The following FNDC1 variants were observed in gnomAD, a reference collection of about 807,000 sequenced individuals.
FNDC1 encodes fibronectin type III domain containing 1.
FNDC1 carries 96 observed loss-of-function variants against 168.0 expected under a neutral mutation model. The observed-to-expected ratio is 0.57, with a 90% CI of 0.48 to 0.68. FNDC1 has a LOEUF of 0.68. FNDC1 is among the 30% of genes least tolerant of loss of function. The pLI is 0.00. For synonymous variants in FNDC1, 1,099 were observed against 1,025.9 expected, an observed-to-expected ratio of 1.07 and a Z score of -1.36; for missense variants, 2,587 against 2,482.1, an observed-to-expected ratio of 1.04 and a Z score of -0.90.
At position 159,233,976 on chromosome 6, in the gene FNDC1, C is replaced by A. The variant is rs758189465; in HGVS notation, c.3464C>A (p.Ala1155Glu). 8 of 1,595,052 alleles carry A rather than the reference C, an allele frequency of 5.0e-6. No homozygotes were observed. In the South Asian group the frequency reaches 5.7e-5, roughly 11 times the overall value. Residue 1155 changes from alanine to glutamate, a missense_variant, in exon 11 of 23, where the codon GCG (alanine) becomes GAG (glutamate). By Grantham distance (107) the Ala-to-Glu change is moderately radical. Coordinates refer to ENST00000297267, the MANE Select transcript of FNDC1 (RefSeq NM_032532.3). This position sits in a 1 kb window ranked among gnomAD's most constrained non-coding sequence, Gnocchi z 4.6. ...QSRARVPSRA[A>E]PGKSEPPSKR... The stretch of plus-strand genomic sequence containing the variant: ...CGCGCCCGGGTACCCAGCAGGGCAG[C>A]GCCGGGGAAGTCGGAGCCTCCTTCC...
At position 159,251,623 on chromosome 6, in the gene FNDC1, A is replaced by G. The variant is rs547553599; in HGVS notation, c.5065+91A>G. 17 of 1,114,030 alleles carry G rather than the reference A, an allele frequency of 1.5e-5. No individual in the cohort carries two copies. The African/African-American group carries it at 2.5e-4, about 16-fold the overall frequency. 69.0% of individuals were successfully genotyped at this position (1,114,030 alleles called of 1,614,324 possible). On this transcript the variant is annotated intron_variant, in intron 17 of 22. Coordinates refer to ENST00000297267, the MANE Select transcript of FNDC1 (RefSeq NM_032532.3). ...GGTGGATGAGTGGATGGGTGCATGC[A>G]TGGATGAGTGGGTTGGATGGGTTGG...
intron 4 of FNDC1, 139 bp from the exon 5 acceptor site, chr6:159,214,806 T>G: frequency 1.5e-6 from 1 of 688,410 alleles, no homozygotes; most frequent in East Asian, 2.7e-5. Context: ...ATGTCCTTAC[T>G]AGAATTAGTT....
rs915463869 is a variant in FNDC1, at chr6:159,234,264, C to G, written c.3752C>G (p.Ser1251Cys). The G allele has an allele frequency of 6.3e-7, 1 of 1,593,502 alleles. No individual in the cohort carries two copies. The highest frequency in any genetic ancestry group is 1.7e-5 in the Admixed American group (1 of 57,246). Residue 1251 changes from serine to cysteine, a missense_variant, in exon 11 of 23, where the codon TCC becomes TGC. By Grantham distance (112) the Ser-to-Cys change is moderately radical. Coordinates refer to ENST00000297267, the MANE Select transcript of FNDC1 (RefSeq NM_032532.3). ...CCTCTCCCCCCACCTCCAGGCAGCT[C>G]CCCCAGGGCCTCCCACGTCCCTTCC... Reference protein sequence around the residue: ...KRPLPPPPGSSPRASHVPSRL... With the variant: ...KRPLPPPPGSCPRASHVPSRL...
chr6:159,261,753 A>G lies in FNDC1; in HGVS notation c.5254+484A>G, dbSNP rs539177965. 1.1e-3 allele frequency among the ~76,000 whole-genome samples: 174 copies of G among 152,304 alleles called. 1 individual carries two copies. The highest frequency in any genetic ancestry group is 3.9e-3 in the African/African-American group (162 of 41,564). ...TTCAGTCTTATAAGCAGTATCATTC[A>G]GAGCATGCCCTTGCATTTTGGGGTG... On this transcript the variant is annotated intron_variant, in intron 19 of 22. Coordinates refer to ENST00000297267, the MANE Select transcript of FNDC1 (RefSeq NM_032532.3).
At chr6:159,271,119 G>C (rs1454502872) in intron 22 of FNDC1, among the ~76,000 whole-genome samples, 4 of 152,188 alleles carry the variant, frequency 2.6e-5, no homozygotes, top group Non-Finnish European at 5.9e-5. Flanking sequence ...CCCACCCCAG[G>C]CTGGGGTTGG....
At chr6:159,253,906 C>T (rs1423163584) in intron 17 of FNDC1, among the ~76,000 whole-genome samples, 2 of 152,230 alleles carry the variant, frequency 1.3e-5, no homozygotes, top group South Asian at 4.1e-4. Context: ...CGTGTGACCT[C>T]CGTCCCCTCT....
chr6:159,185,062 G>GA (rs1781963608), intron 1 of FNDC1, among the ~76,000 whole-genome samples: 1 of 102,576 alleles, frequency 9.7e-6, no homozygotes, highest in Admixed American at 1.1e-4. Context: ...GGTTTATATG[G>GA]AGGGTGGGGG....
At chr6:159,185,660 G>A (rs1341784225) in intron 1 of FNDC1, among the ~76,000 whole-genome samples, 1 of 152,146 alleles carries the variant, frequency 6.6e-6, no homozygotes, top group Non-Finnish European at 1.5e-5. Flanking sequence ...ATCCCAAGGG[G>A]TAAAAAAGGA....
chr6:159,217,349 A>C (rs1341591483), intron 5 of FNDC1, among the ~76,000 whole-genome samples: 1 of 152,210 alleles, frequency 6.6e-6, no homozygotes, highest in African/African-American at 2.4e-5. Flanking sequence ...GAGAGCTCCT[A>C]ACTCTGAGGA....
chr6:159,194,337 C>A (rs1329414613), intron 1 of FNDC1, among the ~76,000 whole-genome samples: 2 of 152,144 alleles, frequency 1.3e-5, no homozygotes, highest in African/African-American at 2.4e-5. Context: ...TTGGGTTTGT[C>A]ATTTTTCTTT....
intron 4 of FNDC1, among the ~76,000 whole-genome samples, chr6:159,208,072 AG>A (rs1394133564): frequency 1.3e-5 from 2 of 152,350 alleles, no homozygotes; most frequent in East Asian, 3.9e-4. Context: ...GATCTAGAGT[AG>A]ATGCTTCTAA....
At chr6:159,198,847 G>A (rs1782310155) in intron 2 of FNDC1, among the ~76,000 whole-genome samples, 2 of 152,304 alleles carry the variant, frequency 1.3e-5, no homozygotes, top group Admixed American at 6.5e-5. Flanking sequence ...GCATGATTTT[G>A]CATTCTGTCT....
intron 1 of FNDC1, among the ~76,000 whole-genome samples, chr6:159,191,832 A>T (rs1298589268): frequency 6.6e-6 from 1 of 152,174 alleles, no homozygotes; most frequent in Non-Finnish European, 1.5e-5. Flanking sequence ...TGCCTGATAG[A>T]AGATGATTTT....
At chr6:159,257,506 G>T (rs772051848) in intron 18 of FNDC1, among the ~76,000 whole-genome samples, 1 of 152,142 alleles carries the variant, frequency 6.6e-6, no homozygotes, top group Non-Finnish European at 1.5e-5. Context: ...CACCATATTT[G>T]CCTAGCAAAG....
chr6:159,249,090 C>G lies in FNDC1; in HGVS notation c.4742C>G (p.Thr1581Ser). 2 of 1,606,880 alleles carry G rather than the reference C, an allele frequency of 1.2e-6. No individual in the cohort carries two copies. Among genetic ancestry groups the G allele is most frequent in the Non-Finnish European group, 1.7e-6 (2 of 1,176,552 alleles). ...RPPTTTEPST[T>S]ATTPRVIPEE... ...CCAACCACCACTGAGCCTTCGACCA[C>G]TGCTACCACACCGAGGGTGATCCCA... The change falls in exon 16 of 23, where the codon ACT becomes AGT. Residue 1581 changes from threonine (T) to serine (S), a missense_variant. Transcript: ENST00000297267.
chr6:159,194,427 T>G (rs1782202052), intron 1 of FNDC1, among the ~76,000 whole-genome samples: 2 of 152,234 alleles, frequency 1.3e-5, no homozygotes, highest in Admixed American at 1.3e-4. Context: ...TGTAAATGAT[T>G]ACAAAGATTC....
intron 13 of FNDC1, among the ~76,000 whole-genome samples, chr6:159,239,151 T>C (rs1010757895): frequency 2.0e-5 from 3 of 152,254 alleles, no homozygotes; most frequent in African/African-American, 7.2e-5. Flanking sequence ...GTTTATGTAT[T>C]GTCTATCTTC....
intron 18 of FNDC1, among the ~76,000 whole-genome samples, chr6:159,258,669 C>T (rs1256676482): frequency 1.3e-5 from 2 of 152,184 alleles, no homozygotes; most frequent in Non-Finnish European, 2.9e-5. Flanking sequence ...CTGAGGTGCC[C>T]ACCTGCTTAT....
intron 1 of FNDC1, among the ~76,000 whole-genome samples, chr6:159,174,632 T>G (rs1781727244): frequency 6.6e-6 from 1 of 152,266 alleles, no homozygotes; most frequent in African/African-American, 2.4e-5. Flanking sequence ...GGCGCTTTCT[T>G]CATATATTAA....
Sources: gnomAD v4.1 joint callset for allele counts (sites outside exome capture counted in the v4.1 genomes callset) on GRCh38, gnomAD v4.1.1 for gene constraint, Gnocchi (gnomAD v3.1) non-coding constraint, MANE v1.5 for transcripts, NCBI Gene and HGNC (gene_info 2026-07-23, HGNC 2026-07-21) for gene names.